Variants in PRR16 observed in about 807,000 individuals in gnomAD.
PRR16 encodes the protein protein Largen.
In PRR16, 6 loss-of-function variants were observed where a neutral mutation model predicts 18.2. That is an observed-to-expected ratio of 0.33 (90% CI 0.18 to 0.65). The LOEUF (loss-of-function observed/expected upper bound fraction) is 0.65. Ranked by LOEUF, PRR16 falls within the 30% of genes least tolerant of loss-of-function variation. PRR16 has a pLI of 0.74. For missense variants in PRR16, 412 were observed against 376.6 expected (o/e 1.09, Z -0.78); for synonymous variants, 151 against 147.8 (o/e 1.02, Z -0.16).
intron 1 of PRR16, chr5:120,618,697 T>G (rs1754591264): frequency 3.0e-6 from 1 of 333,450 alleles, no homozygotes; most frequent in Non-Finnish European, 4.3e-6. Context: ...TGTCTGTTAT[T>G]GCTAAGAGAG....
chr5:120,662,076 G>A (rs1243695579), intron 1 of PRR16, among the ~76,000 whole-genome samples: 1 of 152,024 alleles, frequency 6.6e-6, no homozygotes, highest in Non-Finnish European at 1.5e-5. Flanking sequence ...GCTAGGGTTG[G>A]TTCTTCACTG....
chr5:120,522,320 C>G (rs1253654597), intron 1 of PRR16, among the ~76,000 whole-genome samples: 1 of 152,178 alleles, frequency 6.6e-6, no homozygotes, highest in Non-Finnish European at 1.5e-5. Flanking sequence ...TCTCCACATC[C>G]TCTCCAGCAC....
At chr5:120,473,213 G>A (rs1350723538) in intron 1 of PRR16, among the ~76,000 whole-genome samples, 4 of 152,124 alleles carry the variant, frequency 2.6e-5, no homozygotes, top group African/African-American at 7.2e-5. Context: ...AATATCAGAG[G>A]TATATTTATG....
intron 1 of PRR16, among the ~76,000 whole-genome samples, chr5:120,612,554 CT>C (rs1199622262): frequency 6.6e-6 from 1 of 150,922 alleles, no homozygotes; most frequent in Non-Finnish European, 1.5e-5. Flanking sequence ...TCAGGCGCTT[CT>C]ACTTTTGCTT....
chr5:120,585,739 T>A (rs532760499), intron 1 of PRR16, among the ~76,000 whole-genome samples: 1 of 152,184 alleles, frequency 6.6e-6, no homozygotes, highest in South Asian at 2.1e-4. Flanking sequence ...TCAGCTGTGT[T>A]ATTCAATACT....
intron 1 of PRR16, among the ~76,000 whole-genome samples, chr5:120,535,900 C>T (rs1180465069): frequency 6.6e-6 from 1 of 152,084 alleles, no homozygotes; most frequent in Non-Finnish European, 1.5e-5. Context: ...CCCAGGAGTT[C>T]AAGACCAGCC....
the PRR16 span, among the ~76,000 whole-genome samples, chr5:120,734,643 C>A: frequency 6.6e-6 from 1 of 152,050 alleles, no homozygotes; most frequent in Admixed American, 6.6e-5. Context: ...TTTTTTCTGA[C>A]TTTATTCCTT....
At chr5:120,497,740 A>T (rs183879621) in intron 1 of PRR16, among the ~76,000 whole-genome samples, 80 of 152,000 alleles carry the variant, frequency 5.3e-4, no homozygotes, top group African/African-American at 1.8e-3. Context: ...AATGAACATC[A>T]TATAATGATA....
chr5:120,583,253 T>C (rs917784849), intron 1 of PRR16, among the ~76,000 whole-genome samples: 1 of 152,142 alleles, frequency 6.6e-6, no homozygotes, highest in Admixed American at 6.6e-5. Flanking sequence ...GAAGGGAGCA[T>C]AGATTTCACA....
At chr5:120,713,456 A>G in the PRR16 span, among the ~76,000 whole-genome samples, 1 of 152,338 alleles carries the variant, frequency 6.6e-6, no homozygotes, top group South Asian at 2.1e-4. Context: ...ATATAAAGTG[A>G]TAACATTGTT....
intron 1 of PRR16, among the ~76,000 whole-genome samples, chr5:120,664,286 G>C (rs1050019208): frequency 6.7e-6 from 1 of 149,168 alleles, no homozygotes; most frequent in Non-Finnish European, 1.5e-5. Flanking sequence ...GAGACAGAGT[G>C]AAACTCTGTC....
At chr5:120,510,421 A>G (rs1255088785) in intron 1 of PRR16, among the ~76,000 whole-genome samples, 1 of 152,218 alleles carries the variant, frequency 6.6e-6, no homozygotes, top group Admixed American at 6.5e-5. Context: ...TGAAATTGCT[A>G]AAATGAAAAA....
intron 1 of PRR16, among the ~76,000 whole-genome samples, chr5:120,645,337 T>TACAC (rs111616442): frequency 6.7e-6 from 1 of 149,772 alleles, no homozygotes; most frequent in African/African-American, 2.4e-5. Flanking sequence ...GACACATGCA[T>TACAC]ACACACACAC....
the PRR16 span, among the ~76,000 whole-genome samples, chr5:120,703,842 T>C: frequency 1.3e-5 from 2 of 152,242 alleles, no homozygotes. Context: ...TAAGGAAAGT[T>C]ATTCTGGATT....
intron 1 of PRR16, among the ~76,000 whole-genome samples, chr5:120,501,426 C>T (rs1023691561): frequency 2.0e-5 from 3 of 152,030 alleles, no homozygotes; most frequent in Non-Finnish European, 4.4e-5. Context: ...CACACATACA[C>T]ACACACACTC....
At chr5:120,612,956 G>A (rs961365714) in intron 1 of PRR16, among the ~76,000 whole-genome samples, 10 of 152,026 alleles carry the variant, frequency 6.6e-5, no homozygotes, top group Non-Finnish European at 1.3e-4. Context: ...TTTTTATTTT[G>A]CTAATGTGAT....
the PRR16 span, among the ~76,000 whole-genome samples, chr5:120,752,394 C>T: frequency 6.6e-6 from 1 of 151,876 alleles, no homozygotes; most frequent in Non-Finnish European, 1.5e-5. Context: ...AGAAACCTGG[C>T]TTCATAACCT....
At chr5:120,754,145 AATATATAAATATG>A in the PRR16 span, among the ~76,000 whole-genome samples, 3 of 114,298 alleles carry the variant, frequency 2.6e-5, no homozygotes, top group Admixed American at 2.4e-4. Context: ...CTTAATATAT[AATATATAAATATG>A]ATATATAAAT....
chr5:120,640,691 C>T (rs761923150), intron 1 of PRR16, among the ~76,000 whole-genome samples: 2 of 152,058 alleles, frequency 1.3e-5, no homozygotes, highest in Non-Finnish European at 2.9e-5. Context: ...TTGGCCAACT[C>T]CTTCATCTTT....
Sources: allele counts gnomAD v4.1 joint callset (sites outside exome capture counted in the v4.1 genomes callset), GRCh38; gene constraint gnomAD v4.1.1; transcripts MANE v1.5; gene names NCBI Gene and HGNC (gene_info 2026-07-23, HGNC 2026-07-21).